Variants in GALNT13 observed in about 807,000 individuals in gnomAD.
GALNT13 encodes UDP-GalNAc:polypeptide N-acetylgalactosaminyltransferase 13.
A neutral mutation model predicts 64.2 loss-of-function variants in GALNT13; 28 were observed. The observed-to-expected ratio is 0.44, with a 90% CI of 0.32 to 0.60. GALNT13 has a LOEUF of 0.60. Ranked by LOEUF, GALNT13 falls within the 20% of genes least tolerant of loss-of-function variation. The probability of loss-of-function intolerance (pLI) is 0.05; values close to 1 mark genes in which losing one functional copy is unlikely to be tolerated. For synonymous variants in GALNT13, 214 were observed against 224.6 expected, an observed-to-expected ratio of 0.95 and a Z score of 0.42; for missense variants, 577 against 669.8, an observed-to-expected ratio of 0.86 and a Z score of 1.53.
intron 4 of GALNT13, among the ~76,000 whole-genome samples, chr2:154,222,531 T>A (rs1001886990): frequency 2.0e-5 from 3 of 152,148 alleles, no homozygotes; most frequent in Non-Finnish European, 4.4e-5. Flanking sequence ...CTATTCCTTT[T>A]GTTTTTAATC....
At chr2:153,797,160 A>G in the GALNT13 span, among the ~76,000 whole-genome samples, 1 of 152,224 alleles carries the variant, frequency 6.6e-6, no homozygotes, top group Non-Finnish European at 1.5e-5. Flanking sequence ...AGACAAGTAA[A>G]TAACAGAGAG....
intron 9 of GALNT13, among the ~76,000 whole-genome samples, chr2:154,394,152 C>T (rs1033620609): frequency 7.0e-6 from 1 of 143,008 alleles, no homozygotes; most frequent in Admixed American, 6.9e-5. Flanking sequence ...GATAACTGCT[C>T]AGAAAAACCT....
the GALNT13 span, among the ~76,000 whole-genome samples, chr2:153,358,480 G>A: frequency 1.3e-5 from 2 of 152,102 alleles, no homozygotes. Context: ...GGTACCTGAT[G>A]GGAGGCACCT....
intron 1 of GALNT13, among the ~76,000 whole-genome samples, chr2:153,884,758 A>T (rs1687019279): frequency 7.5e-6 from 1 of 133,434 alleles, no homozygotes; most frequent in African/African-American, 3.2e-5. Context: ...GTCTGTACTA[A>T]AAATACGAAT....
the GALNT13 span, among the ~76,000 whole-genome samples, chr2:153,203,859 A>G: frequency 7.9e-6 from 1 of 126,252 alleles, no homozygotes; most frequent in Non-Finnish European, 1.8e-5. Flanking sequence ...ATAGGGACAC[A>G]ATATGTAGCG....
At chr2:154,114,362 A>G (rs1488400232) in intron 3 of GALNT13, among the ~76,000 whole-genome samples, 1 of 152,158 alleles carries the variant, frequency 6.6e-6, no homozygotes, top group Non-Finnish European at 1.5e-5. Flanking sequence ...GACCCACTGC[A>G]AGTCAGATCT....
the GALNT13 span, among the ~76,000 whole-genome samples, chr2:153,256,558 T>C: frequency 1.3e-5 from 2 of 152,190 alleles, no homozygotes; most frequent in Admixed American, 1.3e-4. Flanking sequence ...TTTTAGAGTT[T>C]CCAGTTTTTC....
intron 8 of GALNT13, among the ~76,000 whole-genome samples, chr2:154,263,538 G>C (rs909451194): frequency 6.6e-6 from 1 of 152,064 alleles, no homozygotes; most frequent in African/African-American, 2.4e-5. Flanking sequence ...TTTAAACCCA[G>C]AAATGCAATA....
the GALNT13 span, among the ~76,000 whole-genome samples, chr2:153,251,256 T>G: frequency 6.6e-6 from 1 of 152,182 alleles, no homozygotes; most frequent in Admixed American, 6.5e-5. Flanking sequence ...TAATATGACT[T>G]AGTGTATGTT....
intron 4 of GALNT13, among the ~76,000 whole-genome samples, chr2:154,205,237 G>A (rs976176668): frequency 6.6e-6 from 1 of 152,064 alleles, no homozygotes; most frequent in African/African-American, 2.4e-5. Context: ...TTAAGAGAGT[G>A]GCTAAAGTAA....
intron 1 of GALNT13, among the ~76,000 whole-genome samples, chr2:153,887,750 C>T (rs191082916): frequency 2.0e-5 from 3 of 151,842 alleles, no homozygotes; most frequent in African/African-American, 7.3e-5. Context: ...TTGCATTTCC[C>T]CCTTAGTTAT....
intron 8 of GALNT13, among the ~76,000 whole-genome samples, chr2:154,266,378 C>CAA (rs1691002396): frequency 1.3e-5 from 2 of 151,942 alleles, no homozygotes; most frequent in Admixed American, 6.6e-5. Flanking sequence ...ATGGAATCTA[C>CAA]AAAAGTATTG....
At chr2:154,362,449 T>A (rs1402785515) in intron 9 of GALNT13, among the ~76,000 whole-genome samples, 2 of 152,058 alleles carry the variant, frequency 1.3e-5, no homozygotes. Context: ...TTTCTCTTTT[T>A]CTCTCGGAGA....
At chr2:153,415,217 G>A in the GALNT13 span, among the ~76,000 whole-genome samples, 2 of 152,084 alleles carry the variant, frequency 1.3e-5, no homozygotes, top group Admixed American at 6.6e-5. Context: ...ATGTTGACAT[G>A]GGCCCTGCAA....
intron 4 of GALNT13, among the ~76,000 whole-genome samples, chr2:154,176,987 C>A (rs1425897110): frequency 6.6e-6 from 1 of 152,170 alleles, no homozygotes; most frequent in Non-Finnish European, 1.5e-5. Context: ...ATTCATGAGA[C>A]CCCTCTCCAC....
the GALNT13 span, among the ~76,000 whole-genome samples, chr2:153,334,690 T>G: frequency 6.6e-6 from 1 of 152,220 alleles, no homozygotes; most frequent in Non-Finnish European, 1.5e-5. Flanking sequence ...CACTGTGAAT[T>G]ATGGATGAAG....
In GALNT13 at chr2:154,242,761, G is replaced by A. The variant is rs1689564009; in HGVS notation, c.542G>A (p.Arg181Lys). The change falls in exon 6 of 13, where the codon AGG (arginine) becomes AAG (lysine). Residue 181 changes from arginine (R) to lysine (K), a missense_variant. Transcript: ENST00000392825. Reference sequence around the variant, plus strand: ...TTAGAAGTGCCAGTAAAAATTATTAGGATGGAAGAACGCTCTGGGTTAATA... The same window carrying A: ...TTAGAAGTGCCAGTAAAAATTATTAAGATGGAAGAACGCTCTGGGTTAATA... ...KNLEVPVKII[R>K]MEERSGLIRA... 9.3e-6 allele frequency: 15 copies of A among 1,613,968 alleles called. No homozygotes were observed. The highest frequency in any genetic ancestry group is 1.3e-5 in the African/African-American group (1 of 75,040).
At chr2:154,397,435 A>G (rs1449062676) in intron 10 of GALNT13, among the ~76,000 whole-genome samples, 1 of 152,146 alleles carries the variant, frequency 6.6e-6, no homozygotes. Context: ...TGAGACTCCA[A>G]CGACAACAAA....
intron 4 of GALNT13, 66 bp from the exon 5 acceptor site, chr2:154,241,964 T>G (rs1689511257): frequency 2.0e-6 from 2 of 1,006,830 alleles, no homozygotes; most frequent in African/African-American, 3.3e-5. Context: ...TTATGGATAT[T>G]TCTTTTTAAA....
Sources: gnomAD v4.1 joint callset for allele counts (sites outside exome capture counted in the v4.1 genomes callset) on GRCh38, gnomAD v4.1.1 for gene constraint, MANE v1.5 for transcripts, NCBI Gene and HGNC (gene_info 2026-07-23, HGNC 2026-07-21) for gene names.